KAT14: variants seen among roughly 807,000 people sequenced by gnomAD.
KAT14 encodes cysteine-rich protein 2-binding protein.
Under a neutral mutation model 78.4 loss-of-function variants are expected in KAT14, and 66 were observed. The observed-to-expected ratio is 0.84, with a 90% CI of 0.69 to 1.03. KAT14 has a LOEUF of 1.03. KAT14 is among the 50% of genes least tolerant of loss of function. The probability of loss-of-function intolerance (pLI) is 0.00; values close to 1 mark genes in which losing one functional copy is unlikely to be tolerated. For missense variants in KAT14, 870 were observed against 972.5 expected, an observed-to-expected ratio of 0.89 and a Z score of 1.40; for synonymous variants, 344 against 359.4, an observed-to-expected ratio of 0.96 and a Z score of 0.48.
intron 7 of KAT14, 139 bp downstream of exon 7, chr20:18,163,084 AAAAAATAC>A: frequency 8.9e-7 from 1 of 1,118,556 alleles, no homozygotes; most frequent in Non-Finnish European, 1.2e-6. Context: ...GTGCAAGGGA[AAAAAATAC>A]AAAAATCGCT....
intron 7 of KAT14, among the ~76,000 whole-genome samples, chr20:18,169,187 T>A (rs1377052166): frequency 1.3e-5 from 2 of 152,218 alleles, no homozygotes; most frequent in African/African-American, 4.8e-5. Flanking sequence ...ATCTCTTTAA[T>A]TGCCCATCTG....
rs2039490395 is a variant in KAT14 at position 18,187,606 on chromosome 20, A to T, written c.*147A>T. Reference sequence around the variant, plus strand: ...TCCCAACCAAAGTGAGAAAAGCGGCATGCAGTGAAATGAGCAGTGAGCAGC... The same window carrying T: ...TCCCAACCAAAGTGAGAAAAGCGGCTTGCAGTGAAATGAGCAGTGAGCAGC... On this transcript the variant is annotated 3_prime_UTR_variant, in exon 11 of 11. Transcript: ENST00000688188. 1 of 1,341,794 alleles carries T rather than the reference A, an allele frequency of 7.5e-7. No individual in the cohort carries two copies. Among genetic ancestry groups the T allele is most frequent in the Admixed American group, 2.8e-5 (1 of 35,678 alleles). 83.1% of individuals were successfully genotyped at this position (1,341,794 alleles called of 1,614,324 possible). A position where few individuals can be genotyped will look rare whatever the true frequency, so the allele number is the denominator to read the frequency against.
rs117280420 is a variant in KAT14 at position 18,142,268 on chromosome 20, C to G, written c.-393C>G. 6.2e-4 allele frequency: 949 copies of G among 1,537,076 alleles called. 15 individuals are homozygous for G. In the East Asian group the frequency reaches 0.022, roughly 35 times the overall value. Reference sequence around the variant, plus strand: ...GCAAATTCGGAAAAAAGAAAACATTCGTCTTTTGGGAGAACAGATTATTTT... The same window carrying G: ...GCAAATTCGGAAAAAAGAAAACATTGGTCTTTTGGGAGAACAGATTATTTT... On this transcript the variant is annotated 5_prime_UTR_variant, in exon 2 of 11. Transcript: ENST00000688188.
intron 3 of KAT14, among the ~76,000 whole-genome samples, chr20:18,149,371 A>T (rs1332548888): frequency 6.6e-6 from 1 of 152,170 alleles, no homozygotes; most frequent in Non-Finnish European, 1.5e-5. Flanking sequence ...ACTTCCCATG[A>T]ATATTGATTG....
chr20:18,154,709 T>A (rs1211057069), intron 4 of KAT14, among the ~76,000 whole-genome samples: 12 of 152,244 alleles, frequency 7.9e-5, no homozygotes, highest in Non-Finnish European at 1.8e-4. Flanking sequence ...CCATTAACTT[T>A]AAGATACACC....
chr20:18,144,530 C>G (rs73256076), intron 2 of KAT14, among the ~76,000 whole-genome samples: 2 of 152,156 alleles, frequency 1.3e-5, no homozygotes, highest in African/African-American at 4.8e-5. Context: ...TGGCCAATTT[C>G]TAATCCTAAG....
chr20:18,145,713 G>A (rs1435985036), intron 3 of KAT14, among the ~76,000 whole-genome samples: 1 of 151,910 alleles, frequency 6.6e-6, no homozygotes, highest in Non-Finnish European at 1.5e-5. Flanking sequence ...CCTGGGAGGC[G>A]GAGGCTGCAG....
Position 18,142,610 on chromosome 20 carries a change from G to A in KAT14, c.-51G>A, listed in dbSNP as rs6080996. ...GAAGCCCCATTAGGGTCACTGTCCAGTGCTTAGGGTTGTTACTGAGAAGCA... is the reference window on the plus strand; with the variant it reads ...GAAGCCCCATTAGGGTCACTGTCCAATGCTTAGGGTTGTTACTGAGAAGCA... On this transcript the variant is annotated 5_prime_UTR_variant, in exon 2 of 11. In the 5' UTR this introduces an upstream ATG that the reference lacks. Transcript: ENST00000688188. 31 of 1,608,158 alleles carry A rather than the reference G, an allele frequency of 1.9e-5. No individual in the cohort carries two copies. The East Asian group carries it at 6.7e-4, about 35-fold the overall frequency.
intron 2 of KAT14, among the ~76,000 whole-genome samples, chr20:18,143,615 A>ATT (rs201858697): frequency 0.034 from 3,486 of 102,082 alleles, 338 homozygotes; most frequent in African/African-American, 0.047. Flanking sequence ...CACCTGGCTA[A>ATT]TTTTTTTTTT....
chr20:18,155,642 C>A (rs754528900), intron 4 of KAT14, among the ~76,000 whole-genome samples: 2 of 152,270 alleles, frequency 1.3e-5, no homozygotes, highest in Middle Eastern at 3.4e-3. Flanking sequence ...TCAAAAGATG[C>A]TCAGCATCAC....
rs760685954 is a variant in KAT14 at position 18,142,812 on chromosome 20, C to A, written c.152C>A (p.Ser51Ter). The change falls in exon 2 of 11, where the codon TCG (serine) becomes TAG (stop). Residue 51 changes from serine (S) to a stop codon, truncating the protein, a stop_gained. Coordinates refer to ENST00000688188, the MANE Select transcript of KAT14 (RefSeq NM_001392073.1). LOFTEE classifies it high-confidence loss of function. Reference sequence around the variant, plus strand: ...GAGGATCAGGCATCAGTGGACTTATCGCACGACCAGAGTGGGGATTCCCTC... The same window carrying A: ...GAGGATCAGGCATCAGTGGACTTATAGCACGACCAGAGTGGGGATTCCCTC... Reference protein sequence around the residue: ...ESEDQASVDLSHDQSGDSLNS... With the variant: ...ESEDQASVDL 6.2e-7 allele frequency: 1 copy of A among 1,614,138 alleles called. No homozygotes were observed. The highest frequency in any genetic ancestry group is 8.5e-7 in the Non-Finnish European group (1 of 1,180,026).
intron 7 of KAT14, among the ~76,000 whole-genome samples, chr20:18,163,337 G>A (rs940915863): frequency 2.0e-5 from 3 of 152,258 alleles, no homozygotes; most frequent in East Asian, 1.9e-4. Context: ...AGACATCTGC[G>A]AAGGACAACA....
chr20:18,184,531 G>A, intron 9 of KAT14, 71 bp from the exon 10 acceptor site: 1 of 1,216,822 alleles, frequency 8.2e-7, no homozygotes, highest in Non-Finnish European at 1.1e-6. Flanking sequence ...ATATGTACAT[G>A]CTGAACAGCT....
intron 2 of KAT14, 35 bp from the exon 3 acceptor site, chr20:18,145,198 T>C (rs536649654): frequency 6.2e-7 from 1 of 1,610,582 alleles, no homozygotes; most frequent in South Asian, 1.1e-5. Context: ...CTGCTCTAGA[T>C]AAACCCATGA....
intron 7 of KAT14, among the ~76,000 whole-genome samples, chr20:18,171,712 T>C (rs1447794646): frequency 6.6e-6 from 1 of 152,166 alleles, no homozygotes; most frequent in Admixed American, 6.5e-5. Flanking sequence ...CTTGGGAGGC[T>C]GAGGCAGGAG....
In KAT14 at chr20:18,159,098, C is replaced by T. The variant is rs2062149266; in HGVS notation, c.515C>T (p.Thr172Ile). ...GGACTCTTTAGGAAAAAGACGTCTA[C>T]CTGGTGGAGCACCGTGGCAGGTTGC... is the stretch of plus-strand genomic sequence containing the variant. ...FLLGNRKKTSTWWSTVAGCLS... is the reference protein window; with the variant it reads ...FLLGNRKKTSIWWSTVAGCLS... The change falls in exon 5 of 11, where the codon ACC (threonine) becomes ATC (isoleucine). Residue 172 changes from threonine to isoleucine, a missense_variant. Transcript: ENST00000688188. 3 of 1,605,222 alleles carry T rather than the reference C, an allele frequency of 1.9e-6. No individual in the cohort carries two copies. Among genetic ancestry groups the T allele is most frequent in the Admixed American group, 1.8e-5 (1 of 56,290 alleles).
Position 18,137,895 on chromosome 20 carries a change from C to G in KAT14, c.-610C>G, listed in dbSNP as rs1600210248. ...GGCAGTACAGGCGGCGGTGCGCACTCTGCGGCGGCCTCTGCGCCTCGGGCG... is the reference window on the plus strand; with the variant it reads ...GGCAGTACAGGCGGCGGTGCGCACTGTGCGGCGGCCTCTGCGCCTCGGGCG... On this transcript the variant is annotated 5_prime_UTR_variant, in exon 1 of 11. Transcript: ENST00000688188. 1.4e-6 allele frequency: 2 copies of G among 1,432,954 alleles called. No homozygotes were observed. The highest frequency in any genetic ancestry group is 1.8e-6 in the Non-Finnish European group (2 of 1,097,110). The allele number at this position is 1,432,954 out of a possible 1,614,324, so 88.8% of individuals were successfully genotyped here. A position where few individuals can be genotyped will look rare whatever the true frequency, so the allele number is the denominator to read the frequency against.
At chr20:18,169,494 T>A (rs1433551541) in intron 7 of KAT14, among the ~76,000 whole-genome samples, 1 of 152,216 alleles carries the variant, frequency 6.6e-6, no homozygotes, top group East Asian at 1.9e-4. Context: ...GATGTTAGTA[T>A]TGTAATTGTT....
chr20:18,148,777 T>A (rs1191822256), intron 3 of KAT14, among the ~76,000 whole-genome samples: 1 of 151,506 alleles, frequency 6.6e-6, no homozygotes, highest in South Asian at 2.1e-4. Context: ...GCCTGGCTAA[T>A]TTTTGTATTT....
Sources: gnomAD v4.1 joint callset for allele counts (sites outside exome capture counted in the v4.1 genomes callset) on GRCh38, gnomAD v4.1.1 for gene constraint, MANE v1.5 for transcripts, NCBI Gene and HGNC (gene_info 2026-07-23, HGNC 2026-07-21) for gene names.